Variants in DRG2 observed in about 807,000 individuals in gnomAD.
The protein encoded by DRG2 is developmentally regulated GTP binding protein 2, also known as developmentally-regulated GTP-binding protein 2.
Under a neutral mutation model 53.4 loss-of-function variants are expected in DRG2, and 36 were observed. The observed-to-expected ratio is 0.67, with a 90% CI of 0.52 to 0.89. The LOEUF (loss-of-function observed/expected upper bound fraction) is 0.89. DRG2 is among the 40% of genes least tolerant of loss of function. The probability of loss-of-function intolerance (pLI) is 0.00; values close to 1 mark genes in which losing one functional copy is unlikely to be tolerated. For synonymous variants in DRG2, 167 were observed against 192.1 expected, an observed-to-expected ratio of 0.87 and a Z score of 1.08; for missense variants, 342 against 481.2, an observed-to-expected ratio of 0.71 and a Z score of 2.71.
chr17:18,090,910 G>C (rs928160987), intron 1 of DRG2, among the ~76,000 whole-genome samples: 10 of 152,036 alleles, frequency 6.6e-5, no homozygotes, highest in Admixed American at 5.9e-4. Flanking sequence ...GCCTCAAGCA[G>C]TCCTCCCTTC....
rs368102490 is a variant in DRG2, at chr17:18,098,087, T to C, written c.226-183T>C. On this transcript the variant is annotated intron_variant, in intron 2 of 12. Coordinates refer to ENST00000225729, the MANE Select transcript of DRG2 (RefSeq NM_001388.5). This position sits in a 1 kb window ranked among gnomAD's most constrained non-coding sequence, Gnocchi z 4.1. ...AGATGGGCCTCTGGTGTCTGACCCA[T>C]CCAGGACAGGGCCAGAGGTGAGCCC... The C allele has an allele frequency of 1.7e-6, 1 of 576,726 alleles. No individual in the cohort carries two copies. Among genetic ancestry groups the C allele is most frequent in the South Asian group, 1.8e-5 (1 of 54,912 alleles). 35.7% of individuals were successfully genotyped at this position (576,726 alleles called of 1,614,324 possible).
chr17:18,098,382 G>T lies in DRG2; in HGVS notation c.315+23G>T, dbSNP rs375195257. 6.2e-7 allele frequency: 1 copy of T among 1,605,232 alleles called. No individual in the cohort carries two copies. Among genetic ancestry groups the T allele is most frequent in the Admixed American group, 1.7e-5 (1 of 59,996 alleles). On this transcript the variant is annotated intron_variant, in intron 3 of 12. Coordinates refer to ENST00000225729, the MANE Select transcript of DRG2 (RefSeq NM_001388.5). The surrounding 1 kb of genome is among the most constrained non-coding windows in gnomAD (Gnocchi z 4.1). ...GAAGTAAGTGGGTGTGCTGGGCCCA[G>T]AAGGAGAAGGGGCGCATGCTTGTGT...
At chr17:18,101,755 A>C (rs1175323377) in intron 8 of DRG2, among the ~76,000 whole-genome samples, 165 bp downstream of exon 8, 1 of 152,138 alleles carries the variant, frequency 6.6e-6, no homozygotes, top group Non-Finnish European at 1.5e-5. Flanking sequence ...GAGAGCTTGA[A>C]ACCAGGGTTC....
At chr17:18,101,864 C>A in intron 8 of DRG2, 57 bp from the exon 9 acceptor site, 1 of 1,560,870 alleles carries the variant, frequency 6.4e-7, no homozygotes, top group Non-Finnish European at 8.7e-7. Context: ...ATGGAGGGCC[C>A]TTTCCTGGAT....
rs17855350 is a variant in DRG2, at chr17:18,100,609, C to G, written c.581C>G (p.Thr194Arg). 7.5e-5 allele frequency: 121 copies of G among 1,614,188 alleles called. No homozygotes were observed. Among genetic ancestry groups the G allele is most frequent in the Non-Finnish European group, 9.7e-5 (115 of 1,180,040 alleles). ...GGGISFNSTV[T>R]LTQCSEKLVQ... Reference sequence around the variant, plus strand: ...GGCATCTCCTTTAACTCGACAGTCACGCTGACCCAGTGCTCGGAAAAGCTG... The same window carrying G: ...GGCATCTCCTTTAACTCGACAGTCAGGCTGACCCAGTGCTCGGAAAAGCTG... The change falls in exon 7 of 13, where the codon ACG (threonine) becomes AGG (arginine). Residue 194 changes from threonine to arginine, a missense_variant. Coordinates refer to ENST00000225729, the MANE Select transcript of DRG2 (RefSeq NM_001388.5). This position sits in a 1 kb window ranked among gnomAD's most constrained non-coding sequence, Gnocchi z 4.1.
Position 18,088,062 on chromosome 17 carries a change from G to T in DRG2, c.39G>T (p.Glu13Asp). Reference protein sequence around the residue: ...ILEKISEIEKEIARTQKNKAT... With the variant: ...ILEKISEIEKDIARTQKNKAT... The stretch of plus-strand genomic sequence containing the variant: ...AGAAGATCTCGGAGATCGAGAAGGA[G>T]ATCGCTCGGACACAGAAGAACAAGG... Residue 13 changes from glutamate (E) to aspartate (D), a missense_variant, in exon 1 of 13, where the codon GAG becomes GAT. By Grantham distance (45) the Glu-to-Asp change is conservative (BLOSUM62 2). Coordinates refer to ENST00000225729, the MANE Select transcript of DRG2 (RefSeq NM_001388.5). 1 of 1,548,874 alleles carries T rather than the reference G, an allele frequency of 6.5e-7. No homozygotes were observed. Among genetic ancestry groups the T allele is most frequent in the Middle Eastern group, 1.7e-4 (1 of 5,990 alleles).
chr17:18,093,878 C>CCGTCCAAATCGGCCT lies in DRG2; in HGVS notation c.139_153dup (p.Ser47_Lys51dup), dbSNP rs1567600108. The CCGTCCAAATCGGCCT allele has an allele frequency of 6.2e-7, 1 of 1,614,186 alleles. No individual in the cohort carries two copies. Among genetic ancestry groups the CCGTCCAAATCGGCCT allele is most frequent in the East Asian group, 2.2e-5 (1 of 44,872 alleles). ...CAAGTATCGGGCCCAGCTCCTGGAA[C>CCGTCCAAATCGGCCT]CGTCCAAATCGGCCTCGTCCAAAGG... is the stretch of plus-strand genomic sequence containing the variant. On this transcript the variant is annotated inframe_insertion, in exon 2 of 13. Coordinates refer to ENST00000225729, the MANE Select transcript of DRG2 (RefSeq NM_001388.5).
intron 9 of DRG2, among the ~76,000 whole-genome samples, chr17:18,102,554 G>C (rs972131630): frequency 2.0e-5 from 3 of 150,536 alleles, no homozygotes; most frequent in Non-Finnish European, 4.4e-5. Context: ...CCGGGAGGTG[G>C]AGGTTGCAGT....
intron 2 of DRG2, 97 bp downstream of exon 2, chr17:18,094,070 C>T (rs1300822326): frequency 6.7e-7 from 1 of 1,488,922 alleles, no homozygotes; most frequent in Non-Finnish European, 9.0e-7. Context: ...TTCTGCTTAG[C>T]TCCAGGGACA....
chr17:18,087,981 TGCC>T lies in DRG2; in HGVS notation c.-36_-34del, dbSNP rs560756951. The T allele has an allele frequency of 6.5e-7, 1 of 1,542,868 alleles. No homozygotes were observed. The highest frequency in any genetic ancestry group is 8.7e-7 in the Non-Finnish European group (1 of 1,144,438). On this transcript the variant is annotated 5_prime_UTR_variant, in exon 1 of 13. Coordinates refer to ENST00000225729, the MANE Select transcript of DRG2 (RefSeq NM_001388.5). ...GCCGCCGTCAGACCGGAATTGCCGG[TGCC>T]GCCGCCACCGCTGTCTGTGCGCCCA...
Position 18,098,000 on chromosome 17 carries a change from GAACCCC to G in DRG2, c.226-268_226-263del, listed in dbSNP as rs2045462686. Reference sequence around the variant, plus strand: ...AGGAGAGGCTCCTGATGTATATGGGGAACCCCATCAGAATCCAGATCCCTGCCTCTA... The same window carrying G: ...AGGAGAGGCTCCTGATGTATATGGGGATCAGAATCCAGATCCCTGCCTCTA... On this transcript the variant is annotated intron_variant, in intron 2 of 12. Coordinates refer to ENST00000225729, the MANE Select transcript of DRG2 (RefSeq NM_001388.5). The G allele has an allele frequency of 4.8e-5, 15 of 309,342 alleles. No individual in the cohort carries two copies. In the Admixed American group the frequency reaches 6.4e-4, roughly 13 times the overall value. The allele number at this position is 309,342 out of a possible 1,614,324, so 19.2% of individuals were successfully genotyped here. A position where few individuals can be genotyped will look rare whatever the true frequency, so the allele number is the denominator to read the frequency against.
chr17:18,090,168 ACCTGACTGACACTGAAT>A (rs1437177039), intron 1 of DRG2, among the ~76,000 whole-genome samples: 3 of 142,852 alleles, frequency 2.1e-5, no homozygotes, highest in African/African-American at 5.2e-5. Flanking sequence ...GGCCATGTGT[ACCTGACTGACACTGAAT>A]CCTTTTTTTT....
intron 12 of DRG2, 77 bp from the exon 13 acceptor site, chr17:18,107,077 C>A: frequency 7.2e-7 from 1 of 1,380,062 alleles, no homozygotes; most frequent in Non-Finnish European, 1.0e-6. Context: ...CTTCAGGACA[C>A]ACACGCCCAG....
Position 18,098,240 on chromosome 17 carries a change from C to T in DRG2, c.226-30C>T, listed in dbSNP as rs779241503. 10 of 1,598,550 alleles carry T rather than the reference C, an allele frequency of 6.3e-6. No individual in the cohort carries two copies. The South Asian group carries it at 6.6e-5, about 11-fold the overall frequency. On this transcript the variant is annotated intron_variant, in intron 2 of 12. Coordinates refer to ENST00000225729, the MANE Select transcript of DRG2 (RefSeq NM_001388.5). This position sits in a 1 kb window ranked among gnomAD's most constrained non-coding sequence, Gnocchi z 4.1. ...CTCCCAGAAGGCCAGGGACAAGGCT[C>T]CTCAGTGCAATGATCTCCTTTTCTC...
rs745771788 is a variant in DRG2 at position 18,087,974 on chromosome 17, T to TTGCCGG, written c.-44_-39dup. The TTGCCGG allele has an allele frequency of 4.5e-6, 7 of 1,539,348 alleles. No individual in the cohort carries two copies. In the South Asian group the frequency reaches 8.4e-5, roughly 19 times the overall value. On this transcript the variant is annotated 5_prime_UTR_variant, in exon 1 of 13. Transcript: ENST00000225729. Reference sequence around the variant, plus strand: ...CTCTGTCGCCGCCGTCAGACCGGAATTGCCGGTGCCGCCGCCACCGCTGTC... The same window carrying TTGCCGG: ...CTCTGTCGCCGCCGTCAGACCGGAATTGCCGGTGCCGGTGCCGCCGCCACCGCTGTC...
Position 18,098,976 on chromosome 17 carries a change from G to C in DRG2, c.316-41G>C, listed in dbSNP as rs202182720. On this transcript the variant is annotated intron_variant, in intron 3 of 12. Coordinates refer to ENST00000225729, the MANE Select transcript of DRG2 (RefSeq NM_001388.5). The surrounding 1 kb of genome is among the most constrained non-coding windows in gnomAD (Gnocchi z 4.1). ...ATCCAGACAGGACCTTTCCAGTGGA[G>C]GCCCAGCCTTGCCTTACCTTTCTTC... 6.2e-7 allele frequency: 1 copy of C among 1,610,872 alleles called. No individual in the cohort carries two copies. Among genetic ancestry groups the C allele is most frequent in the African/African-American group, 1.3e-5 (1 of 75,002 alleles).
Position 18,099,058 on chromosome 17 carries a change from C to T in DRG2, c.357C>T (p.Ile119=). The T allele has an allele frequency of 6.2e-7, 1 of 1,614,090 alleles. No individual in the cohort carries two copies. The highest frequency in any genetic ancestry group is 8.5e-7 in the Non-Finnish European group (1 of 1,180,024). ...TCCAGCTCCTGGACCTTCCTGGAAT[C>T]ATTGAAGGCGCAGCCCAAGGTGGGA... is the stretch of plus-strand genomic sequence containing the variant. The part of the protein sequence containing the change: ...ANIQLLDLPG[I]IEGAAQGKGR... Residue 119 remains isoleucine (I), a synonymous_variant, in exon 4 of 13, where the codon ATC becomes ATT. Transcript: ENST00000225729. This position sits in a 1 kb window ranked among gnomAD's most constrained non-coding sequence, Gnocchi z 4.4.
intron 2 of DRG2, 65 bp downstream of exon 2, chr17:18,094,038 A>G: frequency 6.4e-7 from 1 of 1,565,884 alleles, no homozygotes; most frequent in Non-Finnish European, 8.7e-7. Context: ...ACAGGTGACC[A>G]TCCAGGCTCC....
intron 11 of DRG2, 104 bp downstream of exon 11, chr17:18,104,785 C>T: frequency 6.4e-7 from 1 of 1,572,148 alleles, no homozygotes. Context: ...CTCTGCTGGT[C>T]TCACTCTCAG....
Sources: gnomAD v4.1 joint callset for allele counts (sites outside exome capture counted in the v4.1 genomes callset) on GRCh38, gnomAD v4.1.1 for gene constraint, Gnocchi (gnomAD v3.1) non-coding constraint, MANE v1.5 for transcripts, NCBI Gene and HGNC (gene_info 2026-07-23, HGNC 2026-07-21) for gene names.